Variants in STK31 observed in about 807,000 individuals in gnomAD.
STK31 encodes serine/threonine kinase 31, also known as serine/threonine-protein kinase 31.
A neutral mutation model predicts 129.7 loss-of-function variants in STK31; 89 were observed. The observed-to-expected ratio is 0.69, with a 90% CI of 0.58 to 0.82. The LOEUF is 0.82. Among genes scored for constraint, STK31 ranks in the 40% least tolerant of loss-of-function variants. STK31 has a pLI of 0.00. For synonymous variants in STK31, 448 were observed against 395.3 expected (o/e 1.13, Z -1.58); for missense variants, 1,187 against 1,176.4 (o/e 1.01, Z -0.13).
intron 22 of STK31, among the ~76,000 whole-genome samples, chr7:23,813,078 C>CTTTTTTTTTTTTT (rs70956924): frequency 3.8e-4 from 36 of 94,104 alleles, no homozygotes; most frequent in Non-Finnish European, 4.4e-4. Context: ...GCTCTCTGTT[C>CTTTTTTTTTTTTT]TTTTTTTTTT....
chr7:23,818,861 G>A (rs1793621651), intron 23 of STK31, among the ~76,000 whole-genome samples: 1 of 152,160 alleles, frequency 6.6e-6, no homozygotes, highest in Non-Finnish European at 1.5e-5. Context: ...TTGACCTCAA[G>A]TGATCCACCT....
At chr7:23,821,419 A>G (rs958438415) in intron 23 of STK31, among the ~76,000 whole-genome samples, 18 of 152,114 alleles carry the variant, frequency 1.2e-4, no homozygotes, top group African/African-American at 3.9e-4. Flanking sequence ...ATGATTAGTG[A>G]TGTTGAGCAT....
intron 4 of STK31, chr7:23,721,803 G>A: frequency 1.7e-6 from 1 of 601,682 alleles, no homozygotes; most frequent in South Asian, 1.7e-5. Context: ...ATCCTCTACA[G>A]GCATGATCCT....
chr7:23,821,022 A>G (rs988917360), intron 23 of STK31, among the ~76,000 whole-genome samples: 3 of 148,350 alleles, frequency 2.0e-5, no homozygotes, highest in Non-Finnish European at 3.0e-5. Context: ...TCATATACTG[A>G]TTTCCTTTTT....
chr7:23,716,748 A>C (rs534250660), intron 3 of STK31, among the ~76,000 whole-genome samples: 1 of 151,066 alleles, frequency 6.6e-6, no homozygotes, highest in Non-Finnish European at 1.5e-5. Context: ...TCACCAAAGA[A>C]TACAGATTGG....
At chr7:23,737,891 GTGTA>G (rs1277311462) in intron 8 of STK31, among the ~76,000 whole-genome samples, 3 of 140,658 alleles carry the variant, frequency 2.1e-5, no homozygotes, top group Admixed American at 7.5e-5. Flanking sequence ...GTGTGTGTGT[GTGTA>G]TGTGTGTTTA....
At chr7:23,733,766 G>A (rs573027844) in intron 6 of STK31, among the ~76,000 whole-genome samples, 5 of 151,790 alleles carry the variant, frequency 3.3e-5, no homozygotes, top group South Asian at 2.1e-4. Flanking sequence ...CCGAGATAGC[G>A]CCACTGCACT....
intron 23 of STK31, among the ~76,000 whole-genome samples, chr7:23,816,870 A>G (rs569061320): frequency 4.6e-5 from 7 of 152,306 alleles, no homozygotes; most frequent in Non-Finnish European, 1.0e-4. Context: ...TCTTGGGGCA[A>G]TCTTAGAAGT....
Position 23,710,548 on chromosome 7 carries a change from G to C in STK31, c.50+213G>C. ...AGTGGCTCGAAAAGACCTCCGGCCT[G>C]AATGATCTCCATGAAGACGCGGTCA... On this transcript the variant is annotated intron_variant, in intron 1 of 23. Coordinates refer to ENST00000355870, the MANE Select transcript of STK31 (RefSeq NM_031414.5). 2.1e-6 allele frequency: 3 copies of C among 1,416,138 alleles called. No individual in the cohort carries two copies. In the East Asian group the frequency reaches 7.8e-5, roughly 37 times the overall value. 87.7% of individuals were successfully genotyped at this position (1,416,138 alleles called of 1,614,324 possible).
chr7:23,766,015 A>G (rs1231997509), intron 11 of STK31, among the ~76,000 whole-genome samples: 1 of 151,976 alleles, frequency 6.6e-6, no homozygotes, highest in African/African-American at 2.4e-5. Flanking sequence ...CTTTAGAGTT[A>G]TTTTTCCATT....
Position 23,710,325 on chromosome 7 carries a change from G to A in STK31, c.40G>A (p.Glu14Lys), listed in dbSNP as rs1369485527. The change falls in exon 1 of 24, where the codon GAA becomes AAA. Residue 14 changes from glutamate (E) to lysine (K), a missense_variant. Physicochemically the swap from Glu to Lys is moderately conservative, Grantham distance 56. Transcript: ENST00000355870. ...TCACTCTTCTAGAGCTTCCGCAACG[G>A]AAAGTGTGAGGTCAGTAGTAGTTTT... The part of the protein sequence containing the change: ...QGHSSRASAT[E>K]SVSFSGIVQM... 1.9e-6 allele frequency: 3 copies of A among 1,613,376 alleles called. No individual in the cohort carries two copies. In the Admixed American group the frequency reaches 5.0e-5, roughly 27 times the overall value.
At position 23,752,286 on chromosome 7, in the gene STK31, A is replaced by T. The variant is rs1788756275; in HGVS notation, c.1018-431A>T. Among the ~76,000 whole-genome samples, 3 of 152,344 alleles carry T rather than the reference A, an allele frequency of 2.0e-5. No individual in the cohort carries two copies. The South Asian group carries it at 6.2e-4, about 32-fold the overall frequency. ...TCTTTATTTAATTGAAGCAGTTAAA[A>T]ATAAATATTAATTTGAAATAAAAAT... On this transcript the variant is annotated intron_variant, in intron 8 of 23. Transcript: ENST00000355870.
At chr7:23,730,876 A>AT (rs1490417846) in intron 6 of STK31, among the ~76,000 whole-genome samples, 47 of 59,946 alleles carry the variant, frequency 7.8e-4, no homozygotes, top group East Asian at 1.4e-3. Flanking sequence ...ATATATATAT[A>AT]TATTTTTTTT....
Position 23,832,133 on chromosome 7 carries a change from C to T in STK31, c.2830-3C>T. 1.2e-6 allele frequency: 2 copies of T among 1,604,044 alleles called. No individual in the cohort carries two copies. Among genetic ancestry groups the T allele is most frequent in the Non-Finnish European group, 1.7e-6 (2 of 1,172,198 alleles). On this transcript the variant is annotated splice_region_variant and splice_polypyrimidine_tract_variant and intron_variant, in intron 23 of 23. Transcript: ENST00000355870. ...GTTTTGTAACACCTGTTTTTCCTTG[C>T]AGGATGATAAAGTCAAATCCCTCCT...
At chr7:23,771,425 C>A (rs766280599) in intron 14 of STK31, 3 of 182,974 alleles carry the variant, frequency 1.6e-5, no homozygotes, top group African/African-American at 2.4e-5. Context: ...GCTTATAATT[C>A]CCTTAGCCTA....
chr7:23,808,970 T>TGTGTGTGTGTGTGTGTGTGTGTGTGTGC (rs60631283), intron 22 of STK31, among the ~76,000 whole-genome samples: 6,161 of 139,338 alleles, frequency 0.044, 395 homozygotes, highest in Admixed American at 0.13. Flanking sequence ...TGTGTGTGTG[T>TGTGTGTGTGTGTGTGTGTGTGTGTGTGC]GCCTGTGTCT....
At chr7:23,747,872 G>T (rs1176943085) in intron 8 of STK31, among the ~76,000 whole-genome samples, 3 of 151,990 alleles carry the variant, frequency 2.0e-5, no homozygotes, top group Non-Finnish European at 4.4e-5. Context: ...TTATTAGCCT[G>T]GTTATAGTGT....
chr7:23,768,182 C>A (rs1004920174), intron 11 of STK31, among the ~76,000 whole-genome samples: 1 of 152,012 alleles, frequency 6.6e-6, no homozygotes, highest in Non-Finnish European at 1.5e-5. Context: ...TTAACTGTAC[C>A]TTTTCTGTGT....
At chr7:23,737,763 T>C (rs1247073130) in intron 8 of STK31, among the ~76,000 whole-genome samples, 4 of 152,322 alleles carry the variant, frequency 2.6e-5, no homozygotes, top group Admixed American at 1.3e-4. Flanking sequence ...GGATTCTTGA[T>C]CTCCACGTGT....
Sources: allele counts gnomAD v4.1 joint callset (sites outside exome capture counted in the v4.1 genomes callset), GRCh38; gene constraint gnomAD v4.1.1; transcripts MANE v1.5; gene names NCBI Gene and HGNC (gene_info 2026-07-23, HGNC 2026-07-21).